COBLL1: variants seen among roughly 807,000 people sequenced by gnomAD.
COBLL1 encodes the protein cordon-bleu WH2 repeat protein like 1.
COBLL1 carries 50 observed loss-of-function variants against 94.8 expected under a neutral mutation model. The observed-to-expected ratio is 0.53, with a 90% CI of 0.42 to 0.67. COBLL1 has a LOEUF of 0.67. Among genes scored for constraint, COBLL1 ranks in the 30% least tolerant of loss-of-function variants. The probability of loss-of-function intolerance (pLI) is 0.00; values close to 1 mark genes in which losing one functional copy is unlikely to be tolerated. For missense variants in COBLL1, 1,362 were observed against 1,348.7 expected (o/e 1.01, Z -0.15); for synonymous variants, 448 against 473.8 (o/e 0.95, Z 0.71).
At chr2:164,837,568 AT>A in intron 2 of COBLL1, 1 of 432,230 alleles carries the variant, frequency 2.3e-6, no homozygotes, top group Non-Finnish European at 4.7e-6. Context: ...ATGATTTATC[AT>A]TTTTCATCTA....
downstream of COBLL1, among the ~76,000 whole-genome samples, chr2:164,677,629 G>T (rs1321042664): frequency 6.6e-6 from 1 of 152,120 alleles, no homozygotes; most frequent in Non-Finnish European, 1.5e-5. Flanking sequence ...AACTGGCAGA[G>T]AAAGAGTTGA....
At chr2:164,673,707 G>A (rs918130606) in intron 1 of COBLL1, among the ~76,000 whole-genome samples, 3 of 152,064 alleles carry the variant, frequency 2.0e-5, no homozygotes, top group African/African-American at 4.8e-5. Context: ...AATAAACTCA[G>A]TGAATTCACT....
intron 2 of COBLL1, among the ~76,000 whole-genome samples, chr2:164,774,144 A>T (rs2105257950): frequency 6.6e-6 from 1 of 152,274 alleles, no homozygotes; most frequent in East Asian, 1.9e-4. Flanking sequence ...AAGCCTTAAA[A>T]TTACTTGTAG....
intron 5 of COBLL1, among the ~76,000 whole-genome samples, chr2:164,726,146 T>C (rs1685712703): frequency 6.6e-6 from 1 of 152,172 alleles, no homozygotes; most frequent in South Asian, 2.1e-4. Context: ...AACCTCAAAA[T>C]GAGGCCAGAA....
chr2:164,679,911 T>C (rs968263345), downstream of COBLL1, among the ~76,000 whole-genome samples: 2 of 151,754 alleles, frequency 1.3e-5, no homozygotes, highest in African/African-American at 4.8e-5. Flanking sequence ...GTTCTGCACA[T>C]GTATCCCAGA....
chr2:164,674,644 G>A (rs533827895), intron 1 of COBLL1, among the ~76,000 whole-genome samples: 1 of 152,294 alleles, frequency 6.6e-6, no homozygotes, highest in African/African-American at 2.4e-5. Flanking sequence ...GTTATGATGT[G>A]TTATGGATTG....
chr2:164,805,797 G>C (rs1684126045), intron 2 of COBLL1, among the ~76,000 whole-genome samples: 1 of 152,090 alleles, frequency 6.6e-6, no homozygotes. Context: ...AAATATCTGT[G>C]TGCAGGTTTT....
chr2:164,683,005 T>TACAC lies in COBLL1; in HGVS notation c.*2937_*2940dup, dbSNP rs71393632. 18,595 of 138,758 alleles carry TACAC rather than the reference T, an allele frequency of 0.13. 1,197 individuals carry two copies. Among genetic ancestry groups the TACAC allele is most frequent in the African/African-American group, 0.18 (6,813 of 38,096 alleles). The allele number at this position is 138,758 out of a possible 1,614,324, so 8.6% of individuals were successfully genotyped here. A position where few individuals can be genotyped will look rare whatever the true frequency, so the allele number is the denominator to read the frequency against. ...CTCCTTTCATGTTAAGAAACACACATACACACACACACACACACACACACA... is the reference window on the plus strand; with the variant it reads ...CTCCTTTCATGTTAAGAAACACACATACACACACACACACACACACACACACACA... On this transcript the variant is annotated 3_prime_UTR_variant, in exon 14 of 14. Transcript: ENST00000652658.
chr2:164,755,995 A>G (rs1687379886), intron 2 of COBLL1, among the ~76,000 whole-genome samples: 1 of 151,146 alleles, frequency 6.6e-6, no homozygotes, highest in South Asian at 2.1e-4. Flanking sequence ...TTCTATACAT[A>G]TAGTACACAC....
chr2:164,706,121 T>C (rs1684586979), intron 7 of COBLL1, among the ~76,000 whole-genome samples: 1 of 152,204 alleles, frequency 6.6e-6, no homozygotes, highest in South Asian at 2.1e-4. Context: ...CAATGATACT[T>C]TTCCCAGCCT....
At chr2:164,662,338 C>T (rs1691084453) in intron 2 of COBLL1, among the ~76,000 whole-genome samples, 1 of 152,136 alleles carries the variant, frequency 6.6e-6, no homozygotes, top group Non-Finnish European at 1.5e-5. Flanking sequence ...GACCTTGCTT[C>T]ACACAAGAGA....
chr2:164,730,136 A>C, intron 3 of COBLL1, 21 bp from the exon 4 acceptor site: 1 of 1,576,780 alleles, frequency 6.3e-7, no homozygotes, highest in Non-Finnish European at 8.7e-7. Context: ...AGAGTATTTC[A>C]TTACCCGTTA....
intron 2 of COBLL1, among the ~76,000 whole-genome samples, chr2:164,751,090 T>C (rs1687103670): frequency 6.6e-6 from 1 of 152,100 alleles, no homozygotes. Context: ...AATTGCCTGC[T>C]CCTTGAGGTC....
intron 2 of COBLL1, among the ~76,000 whole-genome samples, chr2:164,753,739 ATTTTT>A (rs71393637): frequency 7.2e-6 from 1 of 138,616 alleles, no homozygotes; most frequent in African/African-American, 2.7e-5. Flanking sequence ...GAGTATGGGA[ATTTTT>A]TTTTTTTTTT....
rs768589655 is a variant in COBLL1 at position 164,744,429 on chromosome 2, T to C, written c.42-554A>G. On this transcript the variant is annotated intron_variant, in intron 2 of 13. Coordinates refer to ENST00000652658, the MANE Select transcript of COBLL1 (RefSeq NM_001365672.2). ...AATTTCTTCCTTCTTTGAATTGATA[T>C]AGCACATACCAATTCCATAGATGTA... 1.1e-4 allele frequency among the ~76,000 whole-genome samples: 17 copies of C among 152,288 alleles called. No homozygotes were observed. In the East Asian group the frequency reaches 1.7e-3, roughly 16 times the overall value.
rs770690906 is a variant in COBLL1 at position 164,728,147 on chromosome 2, C to G, written c.483G>C (p.Val161=). 3 of 1,613,644 alleles carry G rather than the reference C, an allele frequency of 1.9e-6. No individual in the cohort carries two copies. Among genetic ancestry groups the G allele is most frequent in the Non-Finnish European group, 2.5e-6 (3 of 1,179,724 alleles). The change falls in exon 5 of 14, where the codon GTG becomes GTC. Residue 161 remains valine, a synonymous_variant. Coordinates refer to ENST00000652658, the MANE Select transcript of COBLL1 (RefSeq NM_001365672.2). The stretch of plus-strand genomic sequence containing the variant: ...GAAGCGATGCATGTGGACTCACTCT[C>G]ACTATGGTCTTCTGTGTTTTCTTAA... ...INFKKTQKTI[V]RVSPHASLQE...
chr2:164,705,004 G>A lies in COBLL1; in HGVS notation c.1098C>T (p.Ser366=). 6.2e-7 allele frequency: 1 copy of A among 1,604,496 alleles called. No homozygotes were observed. Among genetic ancestry groups the A allele is most frequent in the South Asian group, 1.1e-5 (1 of 89,178 alleles). ...GATGCGGGGGTATTTTGGAGGGTGG[G>A]GAAGGTGCTTTTCGCTTTGTCCTTC... ...SLRRTKRKAP[S]PPSKIPPHQS... is the part of the protein sequence containing the mutation. Residue 366 remains serine (S), a synonymous_variant, in exon 8 of 14, where the codon TCC becomes TCT. Coordinates refer to ENST00000652658, the MANE Select transcript of COBLL1 (RefSeq NM_001365672.2).
chr2:164,676,712 C>T (rs1691344715), downstream of COBLL1, among the ~76,000 whole-genome samples: 1 of 151,088 alleles, frequency 6.6e-6, no homozygotes, highest in Admixed American at 6.6e-5. Context: ...TGCCACGAGT[C>T]TAGAGCCAGA....
intron 2 of COBLL1, among the ~76,000 whole-genome samples, chr2:164,829,750 AC>A (rs1437750215): frequency 5.1e-4 from 78 of 152,324 alleles, no homozygotes; most frequent in African/African-American, 1.7e-3. Context: ...GAATATAAAT[AC>A]TTTAAAATTT....
Sources: allele counts gnomAD v4.1 joint callset (sites outside exome capture counted in the v4.1 genomes callset), GRCh38; gene constraint gnomAD v4.1.1; transcripts MANE v1.5; gene names NCBI Gene and HGNC (gene_info 2026-07-23, HGNC 2026-07-21).